Variants in TOP6BL observed in about 807,000 individuals in gnomAD.
TOP6BL encodes type 2 DNA topoisomerase 6 subunit B-like.
the TOP6BL span, among the ~76,000 whole-genome samples, chr11:66,821,246 G>A: frequency 2.4e-4 from 36 of 151,108 alleles, no homozygotes; most frequent in East Asian, 6.8e-3. Flanking sequence ...ATTCATCAGT[G>A]TATTAGTAAA....
chr11:66,841,122 T>TTC, the TOP6BL span, among the ~76,000 whole-genome samples: 3 of 145,558 alleles, frequency 2.1e-5, no homozygotes, highest in East Asian at 5.9e-4. Context: ...TTTTTTTTTT[T>TTC]TTTTTTTTTT....
the TOP6BL span, chr11:66,828,163 T>C: frequency 4.2e-6 from 3 of 715,914 alleles, no homozygotes; most frequent in Non-Finnish European, 7.3e-6. Flanking sequence ...ATGGCTTGCC[T>C]ACTGTCTGCC....
the TOP6BL span, among the ~76,000 whole-genome samples, chr11:66,778,515 G>A: frequency 4.6e-5 from 7 of 151,988 alleles, no homozygotes; most frequent in East Asian, 1.9e-4. Flanking sequence ...AATAGCCAAC[G>A]CCATATTGAA....
At chr11:66,838,803 C>T in the TOP6BL span, among the ~76,000 whole-genome samples, 3 of 152,176 alleles carry the variant, frequency 2.0e-5, no homozygotes, top group Non-Finnish European at 4.4e-5. Context: ...GCCATCTCGG[C>T]TCACTGCAAG....
the TOP6BL span, among the ~76,000 whole-genome samples, chr11:66,775,786 G>A: frequency 1.3e-5 from 2 of 152,220 alleles, no homozygotes; most frequent in African/African-American, 2.4e-5. Context: ...TTCCTATCCC[G>A]CCATCTTGCT....
At chr11:66,759,375 T>C in the TOP6BL span, among the ~76,000 whole-genome samples, 1 of 152,214 alleles carries the variant, frequency 6.6e-6, no homozygotes, top group Non-Finnish European at 1.5e-5. Context: ...CACTGTAGCT[T>C]TTCTGTATAC....
At chr11:66,838,667 TAC>T in the TOP6BL span, among the ~76,000 whole-genome samples, 1 of 152,162 alleles carries the variant, frequency 6.6e-6, no homozygotes, top group Non-Finnish European at 1.5e-5. Context: ...TCTGTGCAGT[TAC>T]AGATAGCTGC....
the TOP6BL span, among the ~76,000 whole-genome samples, chr11:66,825,000 T>C: frequency 5.9e-5 from 9 of 152,056 alleles, no homozygotes; most frequent in East Asian, 1.8e-3. Context: ...TTTGTAGTTC[T>C]AGATCCCTGA....
chr11:66,818,128 G>A, the TOP6BL span, among the ~76,000 whole-genome samples: 1 of 152,018 alleles, frequency 6.6e-6, no homozygotes, highest in East Asian at 1.9e-4. Flanking sequence ...GTGCTATTTG[G>A]TGTGGCCCTG....
chr11:66,762,730 A>G, the TOP6BL span, among the ~76,000 whole-genome samples: 1 of 152,124 alleles, frequency 6.6e-6, no homozygotes, highest in Admixed American at 6.5e-5. Context: ...CGGCCTGCCA[A>G]AGTGCTGGGA....
At chr11:66,793,391 C>CCCAT in the TOP6BL span, among the ~76,000 whole-genome samples, 1 of 151,164 alleles carries the variant, frequency 6.6e-6, no homozygotes, top group Non-Finnish European at 1.5e-5. Context: ...CTGTGCCCAG[C>CCCAT]CCATTTTTGT....
chr11:66,842,309 C>G, the TOP6BL span, among the ~76,000 whole-genome samples: 1 of 152,256 alleles, frequency 6.6e-6, no homozygotes. Context: ...GTACACAGGT[C>G]TGCATCCCCT....
chr11:66,799,105 G>C, the TOP6BL span, among the ~76,000 whole-genome samples: 1 of 151,744 alleles, frequency 6.6e-6, no homozygotes, highest in Admixed American at 6.6e-5. Context: ...TACTCAGGAG[G>C]CTGAGGCAGG....
At chr11:66,797,127 G>A in the TOP6BL span, among the ~76,000 whole-genome samples, 1 of 151,646 alleles carries the variant, frequency 6.6e-6, no homozygotes, top group Admixed American at 6.6e-5. Context: ...CGCCTTCCTA[G>A]TAGCTGGGAT....
the TOP6BL span, among the ~76,000 whole-genome samples, chr11:66,789,084 C>T: frequency 0.011 from 1,644 of 152,332 alleles, 37 homozygotes; most frequent in African/African-American, 0.037. Context: ...GAGGGACACA[C>T]TCAGTCCGTA....
chr11:66,761,827 C>T, the TOP6BL span: 1 of 853,494 alleles, frequency 1.2e-6, no homozygotes, highest in Non-Finnish European at 2.0e-6. Flanking sequence ...TGTCACTCAG[C>T]CTCCTCTTCT....
At chr11:66,804,690 C>T in the TOP6BL span, among the ~76,000 whole-genome samples, 13 of 152,150 alleles carry the variant, frequency 8.5e-5, no homozygotes, top group African/African-American at 3.1e-4. Flanking sequence ...GTAATCCCAG[C>T]ACTTTGGCAG....
chr11:66,843,352 G>GGGTCC, the TOP6BL span: 10 of 1,460,440 alleles, frequency 6.8e-6, no homozygotes, highest in Non-Finnish European at 9.0e-6. Context: ...CTTCCGCGTC[G>GGGTCC]GGCCCGGGCG....
the TOP6BL span, among the ~76,000 whole-genome samples, chr11:66,755,194 C>T: frequency 1.3e-5 from 2 of 151,216 alleles, no homozygotes; most frequent in Non-Finnish European, 2.9e-5. Context: ...GATATCAGCT[C>T]ACTTCAACCT....
Sources: gnomAD v4.1 joint callset for allele counts (sites outside exome capture counted in the v4.1 genomes callset) on GRCh38, gnomAD v4.1.1 for gene constraint, MANE v1.5 for transcripts, NCBI Gene and HGNC (gene_info 2026-07-23, HGNC 2026-07-21) for gene names.